BCAS3: variants seen among roughly 807,000 people sequenced by gnomAD.
BCAS3 encodes the protein BCAS4/BCAS3 fusion.
A neutral mutation model predicts 116.1 loss-of-function variants in BCAS3; 53 were observed. That is an observed-to-expected ratio of 0.46 (90% CI 0.37 to 0.57). BCAS3 has a LOEUF of 0.57. Ranked by LOEUF, BCAS3 falls within the 20% of genes least tolerant of loss-of-function variation. BCAS3 has a pLI of 0.00. For synonymous variants in BCAS3, 391 were observed against 408.2 expected, an observed-to-expected ratio of 0.96 and a Z score of 0.51; for missense variants, 917 against 1,165.4, an observed-to-expected ratio of 0.79 and a Z score of 3.10.
intron 22 of BCAS3, among the ~76,000 whole-genome samples, chr17:61,096,891 T>C (rs906277023): frequency 3.9e-5 from 6 of 152,176 alleles, no homozygotes; most frequent in African/African-American, 1.2e-4. Flanking sequence ...GAACTCACTG[T>C]GAGCGGTATA....
intron 7 of BCAS3, among the ~76,000 whole-genome samples, chr17:60,814,310 C>CGT (rs1555731509): frequency 2.2e-5 from 3 of 135,730 alleles, no homozygotes; most frequent in East Asian, 4.1e-4. Flanking sequence ...TGTGTGTGCG[C>CGT]GCGTGCCCAT....
At position 60,811,519 on chromosome 17, in the gene BCAS3, G is replaced by GT. The variant is rs369687224; in HGVS notation, c.476+3444dup. On this transcript the variant is annotated intron_variant, in intron 7 of 23. Transcript: ENST00000407086. Reference sequence around the variant, plus strand: ...CAGGAGGCCAATGAAAAGTTCAGAGGTAAAAAAAAAAAAGAAAAAAGAAAT... The same window carrying GT: ...CAGGAGGCCAATGAAAAGTTCAGAGGTTAAAAAAAAAAAAGAAAAAAGAAAT... 698 of 373,738 alleles carry GT rather than the reference G, an allele frequency of 1.9e-3. 4 individuals are homozygous for GT. Among genetic ancestry groups the GT allele is most frequent in the African/African-American group, 0.014 (654 of 46,306 alleles). The allele number at this position is 373,738 out of a possible 1,614,324, so 23.2% of individuals were successfully genotyped here. A position where few individuals can be genotyped will look rare whatever the true frequency, so the allele number is the denominator to read the frequency against.
At chr17:61,291,932 G>C (rs1190096903) in intron 22 of BCAS3, among the ~76,000 whole-genome samples, 2 of 152,186 alleles carry the variant, frequency 1.3e-5, no homozygotes, top group South Asian at 4.1e-4. Context: ...TGAGGAGGAA[G>C]AGGGTGGGAG....
intron 7 of BCAS3, among the ~76,000 whole-genome samples, chr17:60,826,242 G>A (rs546697520): frequency 5.9e-5 from 9 of 152,050 alleles, no homozygotes; most frequent in African/African-American, 1.2e-4. Flanking sequence ...GGAGCGCAGC[G>A]GTGTAATCTC....
At chr17:60,717,520 A>G (rs1235395171) in intron 5 of BCAS3, among the ~76,000 whole-genome samples, 2 of 152,066 alleles carry the variant, frequency 1.3e-5, no homozygotes, top group Admixed American at 6.6e-5. Context: ...CCGGCAGAAT[A>G]TGTTTCTTAT....
At chr17:60,827,532 T>C (rs1297277830) in intron 7 of BCAS3, among the ~76,000 whole-genome samples, 1 of 152,180 alleles carries the variant, frequency 6.6e-6, no homozygotes, top group Non-Finnish European at 1.5e-5. Flanking sequence ...GAAGCTCATA[T>C]AGTATAAAGC....
At position 60,798,607 on chromosome 17, in the gene BCAS3, A is replaced by G. The variant is rs533497452; in HGVS notation, c.404-9397A>G. 1.2e-4 allele frequency among the ~76,000 whole-genome samples: 18 copies of G among 152,388 alleles called. No individual in the cohort carries two copies. The South Asian group carries it at 3.7e-3, about 32-fold the overall frequency. On this transcript the variant is annotated intron_variant, in intron 6 of 23. Coordinates refer to ENST00000407086, the MANE Select transcript of BCAS3 (RefSeq NM_017679.5). Reference sequence around the variant, plus strand: ...ATCTGCTGAAGAACATGTTGGTCGCATCCAAGTTTTGGCAATTATAAATAA... The same window carrying G: ...ATCTGCTGAAGAACATGTTGGTCGCGTCCAAGTTTTGGCAATTATAAATAA...
chr17:61,002,209 C>G (rs986486608), intron 15 of BCAS3, among the ~76,000 whole-genome samples: 5 of 151,990 alleles, frequency 3.3e-5, no homozygotes, highest in South Asian at 2.1e-4. Flanking sequence ...TAAATAAACT[C>G]TATGTAGATA....
chr17:61,160,185 T>A (rs1425744254), intron 22 of BCAS3, among the ~76,000 whole-genome samples: 2 of 151,066 alleles, frequency 1.3e-5, no homozygotes, highest in African/African-American at 4.9e-5. Context: ...GCAGGGTGGT[T>A]TTTTTTTTTG....
intron 22 of BCAS3, among the ~76,000 whole-genome samples, chr17:61,252,385 C>T (rs1378737099): frequency 6.6e-6 from 1 of 152,150 alleles, no homozygotes; most frequent in Non-Finnish European, 1.5e-5. Context: ...GGCCCTTGTT[C>T]AGCCCCCCCA....
chr17:61,116,121 TG>T (rs1485805310), intron 22 of BCAS3, among the ~76,000 whole-genome samples: 1 of 150,276 alleles, frequency 6.7e-6, no homozygotes, highest in Non-Finnish European at 1.5e-5. Context: ...GGGATAGCAT[TG>T]GGAGATATAC....
chr17:61,201,545 C>T (rs551344991), intron 22 of BCAS3, among the ~76,000 whole-genome samples: 3 of 152,234 alleles, frequency 2.0e-5, no homozygotes, highest in Admixed American at 6.5e-5. Flanking sequence ...TGAAAGAGTC[C>T]TTCTGGCTTA....
chr17:61,057,424 A>T (rs2069498919), intron 19 of BCAS3, among the ~76,000 whole-genome samples: 2 of 152,212 alleles, frequency 1.3e-5, no homozygotes, highest in African/African-American at 4.8e-5. Flanking sequence ...GAAACAGGAA[A>T]TCCAGACACT....
intron 23 of BCAS3, among the ~76,000 whole-genome samples, chr17:61,374,663 T>A (rs1257869002): frequency 6.6e-6 from 1 of 152,186 alleles, no homozygotes; most frequent in Non-Finnish European, 1.5e-5. Flanking sequence ...CCAGAAGTAG[T>A]TATTCTTGGG....
chr17:61,179,874 C>CTT (rs5821309), intron 22 of BCAS3, among the ~76,000 whole-genome samples: 5,137 of 124,334 alleles, frequency 0.041, 349 homozygotes, highest in African/African-American at 0.13. Flanking sequence ...CTCTCTCTCT[C>CTT]TTTTTTTTTT....
chr17:60,875,046 T>C (rs895427997), intron 9 of BCAS3, among the ~76,000 whole-genome samples: 4 of 152,178 alleles, frequency 2.6e-5, no homozygotes, highest in Admixed American at 2.6e-4. Flanking sequence ...AAGCAGTTGT[T>C]AAATTGCTTA....
At chr17:61,232,406 G>A (rs972255655) in intron 22 of BCAS3, among the ~76,000 whole-genome samples, 2 of 151,942 alleles carry the variant, frequency 1.3e-5, no homozygotes, top group African/African-American at 4.8e-5. Flanking sequence ...AAAGGTGGGG[G>A]GTGGGGAGTA....
rs934166501 is a variant in BCAS3 at position 61,051,642 on chromosome 17, G to C, written c.2029+10750G>C. Among the ~76,000 whole-genome samples the C allele has an allele frequency of 1.3e-5, 2 of 152,112 alleles. No homozygotes were observed. Among genetic ancestry groups the C allele is most frequent in the African/African-American group, 4.8e-5 (2 of 41,412 alleles). Reference sequence around the variant, plus strand: ...TGATAGGGTCTTACTCTGTCACTCAGACTGGAGTGCAGTGTCTTAGTCATG... The same window carrying C: ...TGATAGGGTCTTACTCTGTCACTCACACTGGAGTGCAGTGTCTTAGTCATG... On this transcript the variant is annotated intron_variant, in intron 19 of 23. Coordinates refer to ENST00000407086, the MANE Select transcript of BCAS3 (RefSeq NM_017679.5). This position sits in a 1 kb window ranked among gnomAD's most constrained non-coding sequence, Gnocchi z 4.1.
At chr17:60,788,887 A>G (rs751726329) in intron 6 of BCAS3, among the ~76,000 whole-genome samples, 6 of 152,204 alleles carry the variant, frequency 3.9e-5, no homozygotes, top group Non-Finnish European at 8.8e-5. Flanking sequence ...TATTGGCAAT[A>G]GAATAAAACT....
Sources: gnomAD v4.1 joint callset for allele counts (sites outside exome capture counted in the v4.1 genomes callset) on GRCh38, gnomAD v4.1.1 for gene constraint, Gnocchi (gnomAD v3.1) non-coding constraint, MANE v1.5 for transcripts, NCBI Gene and HGNC (gene_info 2026-07-23, HGNC 2026-07-21) for gene names.